Variants in EPHA5 observed in about 807,000 individuals in gnomAD.
The protein encoded by EPHA5 is ephrin type-A receptor 5.
A neutral mutation model predicts 105.0 loss-of-function variants in EPHA5; 60 were observed. That is an observed-to-expected ratio of 0.57 (90% CI 0.46 to 0.71). EPHA5 has a LOEUF of 0.71. Ranked by LOEUF, EPHA5 falls within the 30% of genes least tolerant of loss-of-function variation. The pLI is 0.00. For missense variants in EPHA5, 1,218 were observed against 1,274.7 expected, an observed-to-expected ratio of 0.96 and a Z score of 0.68; for synonymous variants, 513 against 449.1, an observed-to-expected ratio of 1.14 and a Z score of -1.80.
intron 8 of EPHA5, among the ~76,000 whole-genome samples, chr4:65,372,589 C>T (rs2148908694): frequency 6.6e-6 from 1 of 151,894 alleles, no homozygotes; most frequent in African/African-American, 2.4e-5. Context: ...TTCAGATATA[C>T]TGATTAAGAG....
rs141290592 is a variant in EPHA5 at position 65,641,481 on chromosome 4, A to T, written c.246+1882T>A. Among the ~76,000 whole-genome samples the T allele has an allele frequency of 2.5e-3, 381 of 152,274 alleles. 2 individuals carry two copies. The highest frequency in any genetic ancestry group is 8.8e-3 in the African/African-American group (365 of 41,576). ...CATTCTGATAATCTATATTTCACCTACGATTATGTTGCTTATCTAATCACA... is the reference window on the plus strand; with the variant it reads ...CATTCTGATAATCTATATTTCACCTTCGATTATGTTGCTTATCTAATCACA... On this transcript the variant is annotated intron_variant, in intron 2 of 16. Coordinates refer to ENST00000613740, the MANE Select transcript of EPHA5 (RefSeq NM_001281766.3).
At chr4:65,506,523 C>T (rs377537871) in intron 3 of EPHA5, among the ~76,000 whole-genome samples, 1 of 145,270 alleles carries the variant, frequency 6.9e-6, no homozygotes, top group Non-Finnish European at 1.5e-5. Context: ...TGTTTCCTGA[C>T]TTTTTAATGA....
chr4:65,505,048 G>A (rs1216475267), intron 3 of EPHA5, among the ~76,000 whole-genome samples: 2 of 151,946 alleles, frequency 1.3e-5, no homozygotes, highest in Admixed American at 1.3e-4. Context: ...ATGTAAGCTT[G>A]TCTATGTGCA....
chr4:65,521,969 G>T (rs890603355), intron 3 of EPHA5, among the ~76,000 whole-genome samples: 2 of 151,904 alleles, frequency 1.3e-5, no homozygotes, highest in African/African-American at 4.8e-5. Context: ...AAATCATTAT[G>T]TAACTTAACT....
chr4:65,320,532 A>T lies in EPHA5; in HGVS notation c.*3582T>A, dbSNP rs1327596192. 4.4e-6 allele frequency: 1 copy of T among 229,370 alleles called. No homozygotes were observed. The highest frequency in any genetic ancestry group is 8.6e-6 in the Non-Finnish European group (1 of 115,622). 14.2% of individuals were successfully genotyped at this position (229,370 alleles called of 1,614,324 possible). A position where few individuals can be genotyped will look rare whatever the true frequency, so the allele number is the denominator to read the frequency against. On this transcript the variant is annotated 3_prime_UTR_variant, in exon 17 of 17. Transcript: ENST00000613740. ...ACATCTAATAAATTTCTAACACCTG[A>T]CTCAAATAGTGTTTGCCATCCAATG...
rs548050207 is a variant in EPHA5, at chr4:65,473,917, C to T, written c.1402+16460G>A. 1.1e-4 allele frequency among the ~76,000 whole-genome samples: 16 copies of T among 143,834 alleles called. 1 individual carries two copies. The South Asian group carries it at 2.8e-3, about 25-fold the overall frequency. 94.4% of individuals were successfully genotyped at this position (143,834 alleles called of 152,430 possible). On this transcript the variant is annotated intron_variant, in intron 5 of 16. Transcript: ENST00000613740. Reference sequence around the variant, plus strand: ...TTTTTGTCTGAAATAGAAATATTTCCTTTAATATCTATAGCATATTGAGGA... The same window carrying T: ...TTTTTGTCTGAAATAGAAATATTTCTTTTAATATCTATAGCATATTGAGGA...
intron 5 of EPHA5, among the ~76,000 whole-genome samples, chr4:65,475,215 A>G (rs1162925268): frequency 1.3e-5 from 2 of 152,148 alleles, no homozygotes; most frequent in Non-Finnish European, 2.9e-5. Flanking sequence ...GGAATAGAAT[A>G]CTCTAAAGAC....
chr4:65,649,086 A>G (rs1397642460), intron 1 of EPHA5, among the ~76,000 whole-genome samples: 2 of 152,214 alleles, frequency 1.3e-5, no homozygotes, highest in Non-Finnish European at 2.9e-5. Context: ...AAGAGTATTT[A>G]TTTTACAATT....
intron 3 of EPHA5, among the ~76,000 whole-genome samples, chr4:65,501,908 T>C (rs945179383): frequency 6.6e-6 from 1 of 151,492 alleles, no homozygotes; most frequent in Non-Finnish European, 1.5e-5. Context: ...AACAGACACA[T>C]AAACGAATGG....
At chr4:65,506,773 C>T (rs889275858) in intron 3 of EPHA5, among the ~76,000 whole-genome samples, 32 of 151,720 alleles carry the variant, frequency 2.1e-4, no homozygotes, top group Admixed American at 4.6e-4. Flanking sequence ...TGGATATTAG[C>T]CCTTTGTCAG....
At chr4:65,436,835 T>C (rs995676670) in intron 5 of EPHA5, among the ~76,000 whole-genome samples, 4 of 152,000 alleles carry the variant, frequency 2.6e-5, no homozygotes, top group Non-Finnish European at 5.9e-5. Flanking sequence ...AATTACATAA[T>C]GCCAAAAGTC....
rs1436119793 is a variant in EPHA5 at position 65,322,173 on chromosome 4, T to C, written c.*1941A>G. ...ACCCATGGTATATAGCCCTTATTAT[T>C]ATGAGAACTGAATGTATTATTTGAA... is the stretch of plus-strand genomic sequence containing the variant. On this transcript the variant is annotated 3_prime_UTR_variant, in exon 17 of 17. Coordinates refer to ENST00000613740, the MANE Select transcript of EPHA5 (RefSeq NM_001281766.3). 5 of 224,474 alleles carry C rather than the reference T, an allele frequency of 2.2e-5. No homozygotes were observed. The highest frequency in any genetic ancestry group is 4.4e-5 in the Non-Finnish European group (5 of 112,494). The allele number at this position is 224,474 out of a possible 1,614,324, so 13.9% of individuals were successfully genotyped here. A position where few individuals can be genotyped will look rare whatever the true frequency, so the allele number is the denominator to read the frequency against.
At chr4:65,523,057 G>A (rs1157363070) in intron 3 of EPHA5, among the ~76,000 whole-genome samples, 2 of 151,896 alleles carry the variant, frequency 1.3e-5, no homozygotes, top group South Asian at 2.1e-4. Flanking sequence ...ATTTTTTCAT[G>A]CTCTATTTTC....
chr4:65,373,346 A>T (rs2148910573), intron 8 of EPHA5, among the ~76,000 whole-genome samples: 1 of 152,018 alleles, frequency 6.6e-6, no homozygotes, highest in African/African-American at 2.4e-5. Context: ...GAATTATTAC[A>T]AAGGGATGGC....
chr4:65,478,084 T>C (rs1445937256), intron 5 of EPHA5, among the ~76,000 whole-genome samples: 1 of 152,202 alleles, frequency 6.6e-6, no homozygotes, highest in Admixed American at 6.5e-5. Flanking sequence ...TTGAACTGTT[T>C]TCCAAACAGC....
At chr4:65,400,964 G>T (rs753804326) in intron 8 of EPHA5, among the ~76,000 whole-genome samples, 1 of 151,974 alleles carries the variant, frequency 6.6e-6, no homozygotes, top group Non-Finnish European at 1.5e-5. Context: ...GCAAATATCT[G>T]GGTTATCATA....
intron 8 of EPHA5, among the ~76,000 whole-genome samples, chr4:65,398,306 T>C (rs1378466738): frequency 6.6e-6 from 1 of 152,118 alleles, no homozygotes; most frequent in Admixed American, 6.6e-5. Context: ...CAGTCCCCTG[T>C]CACCTTGGCT....
chr4:65,558,445 C>T (rs1363148552), intron 3 of EPHA5, among the ~76,000 whole-genome samples: 2 of 151,918 alleles, frequency 1.3e-5, no homozygotes, highest in Non-Finnish European at 2.9e-5. Context: ...TTTTATTGGT[C>T]TTCATTTGAG....
rs369821810 is a variant in EPHA5, at chr4:65,369,775, T to G, written c.1794-2351A>C. ...CGAGGTCAGGAGTTTGAAACCAGCC[T>G]GGCCAACACAGTGAAACCCAGTATC... is the stretch of plus-strand genomic sequence containing the variant. On this transcript the variant is annotated intron_variant, in intron 8 of 16. Transcript: ENST00000613740. 5.7e-4 allele frequency among the ~76,000 whole-genome samples: 87 copies of G among 152,178 alleles called. 2 individuals are homozygous for G. In the East Asian group the frequency reaches 0.016, roughly 27 times the overall value.
Sources: gnomAD v4.1 joint callset for allele counts (sites outside exome capture counted in the v4.1 genomes callset) on GRCh38, gnomAD v4.1.1 for gene constraint, MANE v1.5 for transcripts, NCBI Gene and HGNC (gene_info 2026-07-23, HGNC 2026-07-21) for gene names.